The following RAB27B variants were observed in gnomAD, a reference collection of about 807,000 sequenced individuals.
The protein encoded by RAB27B is RAB27B, member RAS oncogene family, also known as ras-related protein Rab-27B.
RAB27B carries 15 observed loss-of-function variants against 24.6 expected under a neutral mutation model. That is an observed-to-expected ratio of 0.61 (90% CI 0.41 to 0.94). The LOEUF (loss-of-function observed/expected upper bound fraction) is 0.94. Among genes scored for constraint, RAB27B ranks in the 40% least tolerant of loss-of-function variants. RAB27B has a pLI of 0.00. For missense variants in RAB27B, 261 were observed against 266.8 expected, an observed-to-expected ratio of 0.98 and a Z score of 0.15; for synonymous variants, 105 against 92.5, an observed-to-expected ratio of 1.14 and a Z score of -0.78.
intron 2 of RAB27B, among the ~76,000 whole-genome samples, chr18:54,724,524 G>C (rs1024166763): frequency 2.0e-5 from 3 of 151,210 alleles, no homozygotes; most frequent in Non-Finnish European, 4.4e-5. Context: ...AGGAGTTCGA[G>C]ACCAGCCTGG....
intron 2 of RAB27B, among the ~76,000 whole-genome samples, chr18:54,773,239 A>G (rs1019166676): frequency 8.5e-5 from 13 of 152,220 alleles, no homozygotes; most frequent in Admixed American, 8.5e-4. Flanking sequence ...TTTTCCTGTT[A>G]CTAAGGTCAT....
intron 1 of RAB27B, among the ~76,000 whole-genome samples, chr18:54,834,722 G>A (rs1028529663): frequency 2.0e-5 from 3 of 151,588 alleles, no homozygotes; most frequent in African/African-American, 7.3e-5. Flanking sequence ...CATGGAAGAA[G>A]AGATAGAAAC....
chr18:54,721,412 T>C (rs1371924882), intron 2 of RAB27B, among the ~76,000 whole-genome samples: 1 of 152,208 alleles, frequency 6.6e-6, no homozygotes, highest in Admixed American at 6.5e-5. Context: ...TTAATCATGA[T>C]TTCACAGATG....
At chr18:54,794,307 C>T (rs1909346121) in intron 2 of RAB27B, among the ~76,000 whole-genome samples, 1 of 152,096 alleles carries the variant, frequency 6.6e-6, no homozygotes, top group Non-Finnish European at 1.5e-5. Context: ...ACTTTGAGTG[C>T]TAGGTGAACA....
In RAB27B at chr18:54,798,468, C is replaced by T. The variant is rs570179141; in HGVS notation, c.-19-79099C>T. ...AGATGAGAACCAAGGCCTCGGGTGCCCAGGCTTTCTCTGTCTCCACTCCAT... is the reference window on the plus strand; with the variant it reads ...AGATGAGAACCAAGGCCTCGGGTGCTCAGGCTTTCTCTGTCTCCACTCCAT... On this transcript the variant is annotated intron_variant, in intron 2 of 4. Coordinates refer to the RAB27B transcript ENST00000586570. Among the ~76,000 whole-genome samples, 56 of 152,364 alleles carry T rather than the reference C, an allele frequency of 3.7e-4. 1 individual carries two copies. In the South Asian group the frequency reaches 0.011, roughly 30 times the overall value.
chr18:54,887,871 C>T, intron 4 of RAB27B, 124 bp from the exon 5 acceptor site: 4 of 1,144,244 alleles, frequency 3.5e-6, no homozygotes, highest in Middle Eastern at 2.7e-4. Flanking sequence ...GTAACTTGGC[C>T]AATATAACTA....
At chr18:54,751,231 CAG>C (rs1268024317) in intron 2 of RAB27B, among the ~76,000 whole-genome samples, 1 of 151,964 alleles carries the variant, frequency 6.6e-6, no homozygotes, top group African/African-American at 2.4e-5. Context: ...AGGATGGTAG[CAG>C]AGAGATATAA....
intron 2 of RAB27B, among the ~76,000 whole-genome samples, chr18:54,770,813 T>C (rs55869242): frequency 0.054 from 8,238 of 152,262 alleles, 285 homozygotes; most frequent in Admixed American, 0.084. Context: ...GCATATCCCT[T>C]TCTGTTTTTC....
chr18:54,762,300 C>T (rs1170079552), intron 2 of RAB27B, among the ~76,000 whole-genome samples: 3 of 152,306 alleles, frequency 2.0e-5, no homozygotes, highest in Admixed American at 1.3e-4. Context: ...AGCAATTATC[C>T]TGCCTCAGCC....
At chr18:54,863,035 TGAG>T (rs1173523982) in intron 1 of RAB27B, among the ~76,000 whole-genome samples, 1 of 152,210 alleles carries the variant, frequency 6.6e-6, no homozygotes, top group East Asian at 1.9e-4. Context: ...AACCAGATTT[TGAG>T]GAGGAATAAG....
intron 1 of RAB27B, among the ~76,000 whole-genome samples, chr18:54,870,618 A>G (rs1381805396): frequency 6.6e-6 from 1 of 152,186 alleles, no homozygotes; most frequent in Non-Finnish European, 1.5e-5. Context: ...AAAATAATAA[A>G]TTGAAAAACC....
intron 2 of RAB27B, among the ~76,000 whole-genome samples, chr18:54,767,883 A>G (rs927193888): frequency 5.3e-5 from 8 of 152,144 alleles, no homozygotes; most frequent in Admixed American, 4.6e-4. Context: ...TTGTTCCATA[A>G]AGTTGCCTAG....
intron 2 of RAB27B, among the ~76,000 whole-genome samples, chr18:54,779,808 C>T (rs1187486825): frequency 6.6e-6 from 1 of 152,190 alleles, no homozygotes; most frequent in South Asian, 2.1e-4. Context: ...TGTCATAGTT[C>T]TGGAGGCTGG....
At chr18:54,852,731 G>C (rs776824811) in intron 1 of RAB27B, among the ~76,000 whole-genome samples, 1 of 152,214 alleles carries the variant, frequency 6.6e-6, no homozygotes, top group Non-Finnish European at 1.5e-5. Flanking sequence ...AAAGGAAGTA[G>C]TGTCTTTTGC....
rs371902425 is a variant in RAB27B at position 54,853,220 on chromosome 18, C to A, written c.-19-24347C>A. On this transcript the variant is annotated intron_variant, in intron 1 of 5. Coordinates refer to ENST00000262094, the MANE Select transcript of RAB27B (RefSeq NM_004163.4). ...ACTTGGCAATGTGTCAGTGAGGGCA[C>A]AATTATGAGTCAGAGACCATAGAAC... Among the ~76,000 whole-genome samples the A allele has an allele frequency of 1.2e-3, 182 of 152,228 alleles. 1 individual carries two copies. The highest frequency in any genetic ancestry group is 4.0e-3 in the Admixed American group (61 of 15,290).
At chr18:54,855,274 CT>C (rs1259485882) in intron 1 of RAB27B, among the ~76,000 whole-genome samples, 1 of 152,156 alleles carries the variant, frequency 6.6e-6, no homozygotes, top group Non-Finnish European at 1.5e-5. Flanking sequence ...ACAGATGAAG[CT>C]TTGCTTCCTC....
chr18:54,726,828 A>G (rs1909553129), intron 2 of RAB27B, among the ~76,000 whole-genome samples: 1 of 144,294 alleles, frequency 6.9e-6, no homozygotes. Context: ...GTTTTGAAAT[A>G]TATCTATTTC....
intron 2 of RAB27B, among the ~76,000 whole-genome samples, chr18:54,807,015 C>T (rs538356459): frequency 6.6e-6 from 1 of 152,218 alleles, no homozygotes; most frequent in South Asian, 2.1e-4. Context: ...GTTCTCTTGC[C>T]TCAGTCTCCT....
intron 1 of RAB27B, among the ~76,000 whole-genome samples, chr18:54,862,320 T>C (rs899242273): frequency 2.6e-5 from 4 of 152,174 alleles, no homozygotes; most frequent in Non-Finnish European, 4.4e-5. Context: ...GGAAAGCATA[T>C]TAAGGACATT....
Sources: allele counts gnomAD v4.1 joint callset (sites outside exome capture counted in the v4.1 genomes callset), GRCh38; gene constraint gnomAD v4.1.1; transcripts MANE v1.5; gene names NCBI Gene and HGNC (gene_info 2026-07-23, HGNC 2026-07-21).